Variants in EHBP1 observed in about 807,000 individuals in gnomAD.
EHBP1 encodes the protein EH domain binding protein 1.
In EHBP1, 55 loss-of-function variants were observed where a neutral mutation model predicts 144.0. That is an observed-to-expected ratio of 0.38 (90% CI 0.31 to 0.48). The LOEUF (loss-of-function observed/expected upper bound fraction) is 0.48, where lower values mean the gene tolerates loss of function less well. Among genes scored for constraint, EHBP1 ranks in the 20% least tolerant of loss-of-function variants. The probability of loss-of-function intolerance (pLI) is 0.98; values close to 1 mark genes in which losing one functional copy is unlikely to be tolerated. For synonymous variants in EHBP1, 469 were observed against 472.7 expected, an observed-to-expected ratio of 0.99 and a Z score of 0.10; for missense variants, 1,200 against 1,364.2, an observed-to-expected ratio of 0.88 and a Z score of 1.90.
At chr2:62,896,375 G>T (rs951445692) in intron 10 of EHBP1, among the ~76,000 whole-genome samples, 4 of 152,200 alleles carry the variant, frequency 2.6e-5, no homozygotes, top group African/African-American at 9.7e-5. Flanking sequence ...GGATCTTACG[G>T]ACCATTGTAA....
intron 2 of EHBP1, among the ~76,000 whole-genome samples, chr2:62,716,268 A>G (rs1489610776): frequency 6.6e-6 from 1 of 152,150 alleles, no homozygotes; most frequent in African/African-American, 2.4e-5. Flanking sequence ...GGACAATTCT[A>G]AGGCTTCAAT....
intron 2 of EHBP1, among the ~76,000 whole-genome samples, chr2:62,736,224 C>CTTTTTTTTTTTTTTTTTTTTTTTTTCT (rs70962793): frequency 9.8e-6 from 1 of 102,248 alleles, no homozygotes; most frequent in South Asian, 2.9e-4. Flanking sequence ...TTCTCTTTGC[C>CTTTTTTTTTTTTTTTTTTTTTTTTTCT]TTTTTTTTTT....
Position 62,845,795 on chromosome 2 carries a change from T to A in EHBP1, c.635-13374T>A, listed in dbSNP as rs1016227257. ...AGAGGATCGCCTTAGCCAAAAAAAA[T>A]TTTGTTTAAATAAAAATTAATTAAA... On this transcript the variant is annotated intron_variant, in intron 7 of 22. Transcript: ENST00000431489. 2.6e-5 allele frequency among the ~76,000 whole-genome samples: 4 copies of A among 151,392 alleles called. No individual in the cohort carries two copies. In the South Asian group the frequency reaches 6.3e-4, roughly 24 times the overall value.
At position 63,045,751 on chromosome 2, in the gene EHBP1, CACAG is replaced by C. The variant is rs532195094; in HGVS notation, c.*255_*258del. ...CTTGAAATCCTGTGAAATAGATTTG[CACAG>C]ACACCTTGTGAGTGATTGGTATTGG... is the stretch of plus-strand genomic sequence containing the variant. On this transcript the variant is annotated 3_prime_UTR_variant, in exon 23 of 23. Coordinates refer to ENST00000431489, the MANE Select transcript of EHBP1 (RefSeq NM_001142616.3). The surrounding 1 kb of genome is among the most constrained non-coding windows in gnomAD (Gnocchi z 5.7). 264 of 448,386 alleles carry C rather than the reference CACAG, an allele frequency of 5.9e-4. No individual in the cohort carries two copies. Among genetic ancestry groups the C allele is most frequent in the Non-Finnish European group, 8.8e-4 (216 of 245,314 alleles). 27.8% of individuals were successfully genotyped at this position (448,386 alleles called of 1,614,324 possible).
intron 3 of EHBP1, among the ~76,000 whole-genome samples, chr2:62,761,060 A>G (rs1206630337): frequency 6.6e-6 from 1 of 152,176 alleles, no homozygotes; most frequent in Non-Finnish European, 1.5e-5. Flanking sequence ...CAGCTTGATT[A>G]ACCATAAGAG....
chr2:62,763,831 G>C (rs1426069202), intron 3 of EHBP1, among the ~76,000 whole-genome samples: 2 of 152,106 alleles, frequency 1.3e-5, no homozygotes, highest in African/African-American at 4.8e-5. Context: ...GAACTTAAAT[G>C]CAAAGTTATA....
chr2:62,982,993 A>G (rs980445485), intron 15 of EHBP1, among the ~76,000 whole-genome samples: 1 of 152,186 alleles, frequency 6.6e-6, no homozygotes, highest in Admixed American at 6.5e-5. Flanking sequence ...TTCTTGTGTA[A>G]ATAACAGAAT....
chr2:62,906,747 T>C (rs937164717), intron 10 of EHBP1, among the ~76,000 whole-genome samples: 1 of 152,196 alleles, frequency 6.6e-6, no homozygotes, highest in Non-Finnish European at 1.5e-5. Context: ...AACATTTCTT[T>C]CACCACAAGG....
At chr2:62,855,502 G>C (rs997196181) in intron 7 of EHBP1, among the ~76,000 whole-genome samples, 1 of 152,134 alleles carries the variant, frequency 6.6e-6, no homozygotes, top group Non-Finnish European at 1.5e-5. Flanking sequence ...CTTCAGGCCA[G>C]GGAGGGCCTG....
chr2:62,968,382 G>A (rs2058342247), intron 14 of EHBP1, among the ~76,000 whole-genome samples: 1 of 152,076 alleles, frequency 6.6e-6, no homozygotes, highest in South Asian at 2.1e-4. Context: ...TGTCATTTCA[G>A]TACCTGAACA....
At chr2:62,940,474 T>G (rs547961950) in intron 10 of EHBP1, among the ~76,000 whole-genome samples, 1 of 152,300 alleles carries the variant, frequency 6.6e-6, no homozygotes, top group South Asian at 2.1e-4. Context: ...ACTTTACAGA[T>G]GAGGAAACTG....
chr2:63,033,683 CTT>C (rs907398823), intron 19 of EHBP1, among the ~76,000 whole-genome samples: 6 of 151,964 alleles, frequency 3.9e-5, no homozygotes, highest in South Asian at 4.1e-4. Flanking sequence ...CATTTTAAAA[CTT>C]ATGTTGAAAA....
At chr2:62,763,914 C>T (rs2040961768) in intron 3 of EHBP1, among the ~76,000 whole-genome samples, 1 of 151,982 alleles carries the variant, frequency 6.6e-6, no homozygotes, top group African/African-American at 2.4e-5. Context: ...TTTAAAATAT[C>T]TCTTCTAATA....
chr2:62,689,045 T>G (rs192449044), intron 1 of EHBP1, among the ~76,000 whole-genome samples: 23 of 152,318 alleles, frequency 1.5e-4, no homozygotes, highest in African/African-American at 4.3e-4. Flanking sequence ...ATGCATATGT[T>G]TGAATCATTT....
intron 2 of EHBP1, among the ~76,000 whole-genome samples, chr2:62,718,977 G>A (rs1388067918): frequency 2.0e-5 from 3 of 150,342 alleles, no homozygotes. Context: ...TGTTGAGGTA[G>A]AATTTTTTTT....
intron 19 of EHBP1, among the ~76,000 whole-genome samples, chr2:62,997,097 A>G (rs1370065850): frequency 6.6e-6 from 1 of 152,148 alleles, no homozygotes; most frequent in African/African-American, 2.4e-5. Context: ...CATTGGGGAA[A>G]AAAAAGATTT....
At chr2:62,710,622 T>A (rs1205203474) in intron 2 of EHBP1, among the ~76,000 whole-genome samples, 4 of 152,058 alleles carry the variant, frequency 2.6e-5, no homozygotes, top group Admixed American at 6.5e-5. Context: ...AACTCTTCTT[T>A]TTGTTCATTA....
At chr2:62,706,652 ATTG>A (rs1229006206) in intron 1 of EHBP1, 2 of 153,142 alleles carry the variant, frequency 1.3e-5, no homozygotes, top group Admixed American at 6.5e-5. Context: ...GTCTCTCTGG[ATTG>A]TTGTTGGTGC....
chr2:62,843,922 T>C (rs1024764933), intron 7 of EHBP1, among the ~76,000 whole-genome samples: 1 of 152,218 alleles, frequency 6.6e-6, no homozygotes, highest in African/African-American at 2.4e-5. Context: ...CTTCCAAGTT[T>C]GAAATTGTTA....
Sources: gnomAD v4.1 joint callset for allele counts (sites outside exome capture counted in the v4.1 genomes callset) on GRCh38, gnomAD v4.1.1 for gene constraint, Gnocchi (gnomAD v3.1) non-coding constraint, MANE v1.5 for transcripts, NCBI Gene and HGNC (gene_info 2026-07-23, HGNC 2026-07-21) for gene names.